The following ADCY3 variants were observed in gnomAD, a reference collection of about 807,000 sequenced individuals.
ADCY3 encodes adenylate cyclase type 3.
In ADCY3, 70 loss-of-function variants were observed where a neutral mutation model predicts 119.4. The observed-to-expected ratio is 0.59, with a 90% confidence interval of 0.48 to 0.72. The LOEUF is 0.72. ADCY3 is among the 30% of genes least tolerant of loss of function. ADCY3 has a pLI of 0.00. For missense variants in ADCY3, 1,238 were observed against 1,541.6 expected (o/e 0.80, Z 3.30); for synonymous variants, 672 against 621.4 (o/e 1.08, Z -1.21).
Position 24,834,973 on chromosome 2 carries a change from G to GGACAGAGTGGTGGGGAAGAGCTGGGAAA in ADCY3, c.1663-65_1663-38dup. On this transcript the variant is annotated intron_variant, in intron 9 of 21. Transcript: ENST00000679454. The surrounding 1 kb of genome is among the most constrained non-coding windows in gnomAD (Gnocchi z 4.2). Reference sequence around the variant, plus strand: ...GGAGGCAGCGTGAGTGGGGCAGATGGGACAGAGTGGTGGGGAAGAGCTGGG... The same window carrying GGACAGAGTGGTGGGGAAGAGCTGGGAAA: ...GGAGGCAGCGTGAGTGGGGCAGATGGGACAGAGTGGTGGGGAAGAGCTGGGAAAGACAGAGTGGTGGGGAAGAGCTGGG... The GGACAGAGTGGTGGGGAAGAGCTGGGAAA allele has an allele frequency of 6.2e-7, 1 of 1,601,118 alleles. No individual in the cohort carries two copies. Among genetic ancestry groups the GGACAGAGTGGTGGGGAAGAGCTGGGAAA allele is most frequent in the Non-Finnish European group, 8.5e-7 (1 of 1,173,206 alleles).
intron 2 of ADCY3, among the ~76,000 whole-genome samples, chr2:24,880,892 G>A (rs935395307): frequency 1.1e-4 from 17 of 152,128 alleles, no homozygotes; most frequent in Non-Finnish European, 2.1e-4. Context: ...GCAGGCACCT[G>A]TAATCCCAGC....
At chr2:24,823,690 C>CT (rs11308691) in intron 17 of ADCY3, among the ~76,000 whole-genome samples, 61,477 of 132,476 alleles carry the variant, frequency 0.46, 15,130 homozygotes, top group East Asian at 0.65. Context: ...CTCATCGCTA[C>CT]TTTTTTTTTT....
In ADCY3 at chr2:24,918,678, T is replaced by C. The variant is rs1294290163; in HGVS notation, c.310A>G (p.Lys104Glu). 6.2e-7 allele frequency: 1 copy of C among 1,613,954 alleles called. No individual in the cohort carries two copies. Among genetic ancestry groups the C allele is most frequent in the Non-Finnish European group, 8.5e-7 (1 of 1,180,006 alleles). ...VMCAVVFSSD[K>E]LASLAVAGIG... ...CCAGCCACGGCGAGGGAAGCCAGCT[T>C]GTCGCTGGAGAAGACCACAGCACAC... Residue 104 changes from lysine (K) to glutamate (E), a missense_variant, in exon 2 of 22, where the codon AAG becomes GAG. Physicochemically the swap from Lys to Glu is moderately conservative, Grantham distance 56 (BLOSUM62 1). Coordinates refer to ENST00000679454, the MANE Select transcript of ADCY3 (RefSeq NM_004036.5). This position sits in a 1 kb window ranked among gnomAD's most constrained non-coding sequence, Gnocchi z 5.4.
intron 19 of ADCY3, 183 bp downstream of exon 19, chr2:24,822,328 G>A: frequency 1.2e-6 from 1 of 848,394 alleles, no homozygotes; most frequent in Non-Finnish European, 1.8e-6. Context: ...TGTCTGTTCT[G>A]TTTCTCTGCT....
intron 2 of ADCY3, among the ~76,000 whole-genome samples, chr2:24,912,884 G>A (rs1036424552): frequency 1.1e-4 from 16 of 152,154 alleles, no homozygotes; most frequent in Non-Finnish European, 1.9e-4. Context: ...AGAAAGCTGC[G>A]ACAGGGAAAG....
At position 24,919,431 on chromosome 2, in the gene ADCY3, TTCTC is replaced by T. The variant is rs1223680451; in HGVS notation, c.-198+248_-197-248del. ...CGCCTTTCCATCCCTGGTAACCGGT[TTCTC>T]TCTGTCATCTCTTCTTTCTCAGTCC... On this transcript the variant is annotated intron_variant, in intron 1 of 21. Coordinates refer to ENST00000679454, the MANE Select transcript of ADCY3 (RefSeq NM_004036.5). The surrounding 1 kb of genome is among the most constrained non-coding windows in gnomAD (Gnocchi z 5.5). 6.0e-6 allele frequency: 1 copy of T among 167,022 alleles called. No homozygotes were observed. Among genetic ancestry groups the T allele is most frequent in the African/African-American group, 2.4e-5 (1 of 41,720 alleles). 10.3% of individuals were successfully genotyped at this position (167,022 alleles called of 1,614,324 possible).
chr2:24,854,351 G>C (rs765957965), intron 3 of ADCY3, among the ~76,000 whole-genome samples: 1 of 152,212 alleles, frequency 6.6e-6, no homozygotes, highest in Admixed American at 6.5e-5. Context: ...AGGGGTTTTG[G>C]GGGGTACAGC....
intron 2 of ADCY3, among the ~76,000 whole-genome samples, chr2:24,892,907 G>A (rs780136800): frequency 1.4e-4 from 21 of 150,298 alleles, no homozygotes; most frequent in East Asian, 2.0e-4. Flanking sequence ...CAAGTGATCC[G>A]CCCACCTTGG....
intron 12 of ADCY3, among the ~76,000 whole-genome samples, chr2:24,831,030 G>C (rs1572818624): frequency 6.6e-6 from 1 of 152,186 alleles, no homozygotes; most frequent in Non-Finnish European, 1.5e-5. Context: ...CCTCCTCGAT[G>C]TGCCTGTTCA....
intron 16 of ADCY3, among the ~76,000 whole-genome samples, chr2:24,825,149 C>T (rs1455201161): frequency 6.6e-6 from 1 of 152,160 alleles, no homozygotes; most frequent in Non-Finnish European, 1.5e-5. Flanking sequence ...TCTCCCAACT[C>T]AGGGTGGAGT....
At chr2:24,829,224 C>A (rs1343686274) in intron 13 of ADCY3, among the ~76,000 whole-genome samples, 1 of 151,190 alleles carries the variant, frequency 6.6e-6, no homozygotes, top group Non-Finnish European at 1.5e-5. Flanking sequence ...ACCATCTTGG[C>A]CAGGCTGGTC....
intron 2 of ADCY3, among the ~76,000 whole-genome samples, chr2:24,891,412 A>C (rs1226796195): frequency 6.6e-6 from 1 of 152,134 alleles, no homozygotes; most frequent in Non-Finnish European, 1.5e-5. Flanking sequence ...CCCACCTGTG[A>C]GTCACTTGGT....
intron 2 of ADCY3, among the ~76,000 whole-genome samples, chr2:24,910,747 A>G (rs1197447348): frequency 2.0e-5 from 3 of 150,596 alleles, no homozygotes; most frequent in Non-Finnish European, 4.4e-5. Context: ...CCCAAGTTCA[A>G]GCAATTCTCC....
At chr2:24,911,565 G>T (rs1283524499) in intron 2 of ADCY3, among the ~76,000 whole-genome samples, 1 of 148,468 alleles carries the variant, frequency 6.7e-6, no homozygotes, top group Non-Finnish European at 1.5e-5. Flanking sequence ...CAGGAGAATT[G>T]CTTGAACCTG....
At position 24,918,376 on chromosome 2, in the gene ADCY3, G is replaced by C. The variant is rs79278464; in HGVS notation, c.612C>G (p.Val204=). 3.2e-5 allele frequency: 51 copies of C among 1,611,526 alleles called. No individual in the cohort carries two copies. Among genetic ancestry groups the C allele is most frequent in the Admixed American group, 1.5e-4 (9 of 59,740 alleles). Residue 204 remains valine (V), a synonymous_variant, in exon 2 of 22, where the codon GTC becomes GTG. Transcript: ENST00000679454. The surrounding 1 kb of genome is among the most constrained non-coding windows in gnomAD (Gnocchi z 5.4). ...SVVSCVVHTL[V]LGVTVAQQQQ... ...GCTGCTGGGCCACGGTGACCCCCAG[G>C]ACCAACGTGTGCACCACACAGGAGA...
chr2:24,827,035 C>T (rs932685364), intron 15 of ADCY3, among the ~76,000 whole-genome samples: 1 of 152,172 alleles, frequency 6.6e-6, no homozygotes, highest in African/African-American at 2.4e-5. Flanking sequence ...TCTTCTTTTG[C>T]TAAGGGCTAT....
chr2:24,838,899 C>A, intron 7 of ADCY3: 2 of 1,566,400 alleles, frequency 1.3e-6, no homozygotes, highest in Non-Finnish European at 8.7e-7. Context: ...AATCTTTCTT[C>A]AATCTTTGAT....
At chr2:24,881,901 C>G (rs1676446023) in intron 2 of ADCY3, among the ~76,000 whole-genome samples, 1 of 152,152 alleles carries the variant, frequency 6.6e-6, no homozygotes, top group Non-Finnish European at 1.5e-5. Flanking sequence ...GCTGAACATC[C>G]TACACTGCAC....
chr2:24,914,536 G>C (rs770857618), intron 2 of ADCY3, among the ~76,000 whole-genome samples: 1 of 152,082 alleles, frequency 6.6e-6, no homozygotes, highest in South Asian at 2.1e-4. Context: ...TTAGCCAGAC[G>C]TGGTGGCGGC....
Sources: gnomAD v4.1 joint callset for allele counts (sites outside exome capture counted in the v4.1 genomes callset) on GRCh38, gnomAD v4.1.1 for gene constraint, Gnocchi (gnomAD v3.1) non-coding constraint, MANE v1.5 for transcripts, NCBI Gene and HGNC (gene_info 2026-07-23, HGNC 2026-07-21) for gene names.